Variants in SET observed in about 807,000 individuals in gnomAD.
SET encodes the protein protein SET.
Under a neutral mutation model 39.0 loss-of-function variants are expected in SET, and 4 were observed. The ratio of observed to expected loss-of-function variants is 0.10; its 90% CI spans 0.05 to 0.23. The LOEUF (loss-of-function observed/expected upper bound fraction) is 0.23. Among genes scored for constraint, SET ranks in the 10% least tolerant of loss-of-function variants. The pLI is 1.00. For missense variants in SET, 137 were observed against 329.7 expected, an observed-to-expected ratio of 0.42 and a Z score of 4.53; for synonymous variants, 114 against 115.9, an observed-to-expected ratio of 0.98 and a Z score of 0.11.
At chr9:128,690,513 C>T (rs950341322) in intron 1 of SET, 1 of 153,584 alleles carries the variant, frequency 6.5e-6, no homozygotes, top group Non-Finnish European at 1.4e-5. Flanking sequence ...CCTTCTGTGC[C>T]TCACTGCTTT....
Position 128,695,069 on chromosome 9 carries a change from G to A in SET, c.*405G>A, listed in dbSNP as rs10988096. 2 of 231,566 alleles carry A rather than the reference G, an allele frequency of 8.6e-6. No individual in the cohort carries two copies. Among genetic ancestry groups the A allele is most frequent in the Non-Finnish European group, 1.7e-5 (2 of 116,616 alleles). The allele number at this position is 231,566 out of a possible 1,614,324, so 14.3% of individuals were successfully genotyped here. On this transcript the variant is annotated 3_prime_UTR_variant, in exon 8 of 8. Transcript: ENST00000322030. ...CCTTTCTCTGTATATTGGGCTCAGA[G>A]AGTACACTGTGTCTCTATGTGAATA... is the stretch of plus-strand genomic sequence containing the variant.
At chr9:128,693,069 C>T in intron 5 of SET, 88 bp downstream of exon 5, 1 of 846,904 alleles carries the variant, frequency 1.2e-6, no homozygotes, top group Admixed American at 2.5e-5. Context: ...ATACTTTGGT[C>T]ATGTGGCTAA....
At chr9:128,690,909 G>A (rs190449624) in intron 1 of SET, among the ~76,000 whole-genome samples, 3 of 152,204 alleles carry the variant, frequency 2.0e-5, no homozygotes, top group Non-Finnish European at 1.5e-5. Flanking sequence ...CTTAATGATC[G>A]GTCTGTTGTA....
rs755634003 is a variant in SET, at chr9:128,693,979, C to G, written c.747C>G (p.Asp249Glu). 1.3e-6 allele frequency: 2 copies of G among 1,544,898 alleles called. No individual in the cohort carries two copies. Among genetic ancestry groups the G allele is most frequent in the Admixed American group, 1.7e-5 (1 of 57,988 alleles). ...AGGAGGAAGGATTAGAAGATATTGA[C>G]GAAGAAGGGGATGAGGATGAAGGTG... Reference protein sequence around the residue: ...DEEEEGLEDIDEEGDEDEGEE... With the variant: ...DEEEEGLEDIEEEGDEDEGEE... Residue 249 changes from aspartate to glutamate, a missense_variant, in exon 7 of 8, where the codon GAC (aspartate) becomes GAG (glutamate). Coordinates refer to ENST00000322030, the MANE Select transcript of SET (RefSeq NM_003011.4).
In SET at chr9:128,689,291, G is replaced by T; in HGVS notation, c.-292G>T. The T allele has an allele frequency of 9.8e-7, 1 of 1,017,976 alleles. No homozygotes were observed. Among genetic ancestry groups the T allele is most frequent in the Non-Finnish European group, 1.2e-6 (1 of 850,526 alleles). The allele number at this position is 1,017,976 out of a possible 1,614,324, so 63.1% of individuals were successfully genotyped here. A position where few individuals can be genotyped will look rare whatever the true frequency, so the allele number is the denominator to read the frequency against. On this transcript the variant is annotated 5_prime_UTR_variant, in exon 1 of 8. Transcript: ENST00000322030. ...CGAGCAGCGAGCTGGCTGGATCGCC[G>T]AGCGCGAGTGAGGGAGCCGAGCCGC...
intron 3 of SET, 60 bp downstream of exon 3, chr9:128,692,060 T>C (rs1861555549): frequency 6.3e-7 from 1 of 1,583,878 alleles, no homozygotes; most frequent in Admixed American, 1.7e-5. Flanking sequence ...TGGAGGAAGC[T>C]TGGTGAAGAC....
rs1484830317 is a variant in SET at position 128,689,523 on chromosome 9, C to T, written c.-60C>T. The T allele has an allele frequency of 4.9e-6, 4 of 811,734 alleles. No homozygotes were observed. In the African/African-American group the frequency reaches 5.5e-5, roughly 11 times the overall value. 50.3% of individuals were successfully genotyped at this position (811,734 alleles called of 1,614,324 possible). ...GGCGTGAGGGGAAGCCGCTTGCCCGCCCCCTTCGCCTTCCCTTCTCTCCCC... is the reference window on the plus strand; with the variant it reads ...GGCGTGAGGGGAAGCCGCTTGCCCGTCCCCTTCGCCTTCCCTTCTCTCCCC... On this transcript the variant is annotated 5_prime_UTR_variant, in exon 1 of 8. Transcript: ENST00000322030.
intron 2 of SET, 47 bp downstream of exon 2, chr9:128,691,274 C>CT (rs1861525465): frequency 1.7e-6 from 2 of 1,159,944 alleles, no homozygotes; most frequent in Non-Finnish European, 2.6e-6. Context: ...TGAGATGTGT[C>CT]TAATAGCCCG....
chr9:128,693,045 C>A, intron 5 of SET, 64 bp downstream of exon 5: 1 of 1,036,070 alleles, frequency 9.7e-7, no homozygotes, highest in Admixed American at 2.1e-5. Context: ...GTTTTAACCA[C>A]TTACAAGTGC....
intron 2 of SET, 93 bp from the exon 3 acceptor site, chr9:128,691,765 T>A (rs1392336970): frequency 7.9e-7 from 1 of 1,267,988 alleles, no homozygotes; most frequent in Non-Finnish European, 1.1e-6. Context: ...TTTGCATGAC[T>A]CAAGCTAGTA....
chr9:128,692,397 CAAA>C (rs58637669), intron 3 of SET: 515 of 76,098 alleles, frequency 6.8e-3, no homozygotes, highest in Middle Eastern at 0.037. Context: ...GAGACTGTTT[CAAA>C]AAAAAAAAAA....
In SET at chr9:128,694,933, A is replaced by C. The variant is rs1211955821; in HGVS notation, c.*269A>C. The C allele has an allele frequency of 6.0e-6, 2 of 334,286 alleles. No homozygotes were observed. Among genetic ancestry groups the C allele is most frequent in the Non-Finnish European group, 1.1e-5 (2 of 185,606 alleles). 20.7% of individuals were successfully genotyped at this position (334,286 alleles called of 1,614,324 possible). On this transcript the variant is annotated 3_prime_UTR_variant, in exon 8 of 8. Coordinates refer to ENST00000322030, the MANE Select transcript of SET (RefSeq NM_003011.4). ...TCTGAACAAAAACTGTATGGAATCAACACCACCGAGCTCTGTGGGAAAAAA... is the reference window on the plus strand; with the variant it reads ...TCTGAACAAAAACTGTATGGAATCACCACCACCGAGCTCTGTGGGAAAAAA...
intron 3 of SET, chr9:128,692,442 T>C (rs908377869): frequency 3.7e-6 from 1 of 269,792 alleles, no homozygotes; most frequent in African/African-American, 2.4e-5. Flanking sequence ...CGGGAAAAGA[T>C]ATACAGCTAC....
In SET at chr9:128,692,663, G is replaced by A. The variant is rs1861591507; in HGVS notation, c.276G>A (p.Val92=). ...WVTTFVNHPQ[V]SALLGEEDEE... ...CTGACCTGTAATTTTCTGGCCTAGT[G>A]TCTGCACTGCTTGGGGAGGAAGATG... Residue 92 remains valine (V), a splice_region_variant and synonymous_variant, in exon 4 of 8, where the codon GTG becomes GTA. Coordinates refer to ENST00000322030, the MANE Select transcript of SET (RefSeq NM_003011.4). 2.5e-6 allele frequency: 4 copies of A among 1,605,244 alleles called. No individual in the cohort carries two copies. The highest frequency in any genetic ancestry group is 3.4e-6 in the Non-Finnish European group (4 of 1,173,554).
chr9:128,685,478 C>T (rs77120321), upstream of SET, among the ~76,000 whole-genome samples: 456 of 152,338 alleles, frequency 3.0e-3, 7 homozygotes, highest in East Asian at 0.034. Flanking sequence ...CAAAGAACAG[C>T]TCCTGCTGCT....
chr9:128,689,544 TC>T lies in SET; in HGVS notation c.-34del. The T allele has an allele frequency of 3.6e-6, 4 of 1,110,722 alleles. No homozygotes were observed. The highest frequency in any genetic ancestry group is 2.4e-6 in the Non-Finnish European group (2 of 839,712). The allele number at this position is 1,110,722 out of a possible 1,614,324, so 68.8% of individuals were successfully genotyped here. On this transcript the variant is annotated 5_prime_UTR_variant, in exon 1 of 8. Coordinates refer to ENST00000322030, the MANE Select transcript of SET (RefSeq NM_003011.4). ...CCCGCCCCCTTCGCCTTCCCTTCTC[TC>T]CCCCTCCCCGCTCCCCCCCCGACCG... is the stretch of plus-strand genomic sequence containing the variant.
At chr9:128,684,063 CTCTGATTTTTA>C in intron 1 of SET, 1 of 1,392,776 alleles carries the variant, frequency 7.2e-7, no homozygotes. Context: ...AGGATTGACT[CTCTGATTTTTA>C]CCCCCCAATC....
Position 128,692,012 on chromosome 9 carries a change from AC to A in SET, c.274+13del, listed in dbSNP as rs1310588834. On this transcript the variant is annotated intron_variant, in intron 3 of 7. Transcript: ENST00000322030. ...CAACCATCCACAAGGTATGTTTTGG[AC>A]AGGGCATTGTTAAAGGATAAACAGT... 1.9e-6 allele frequency: 3 copies of A among 1,613,348 alleles called. No homozygotes were observed. In the African/African-American group the frequency reaches 4.0e-5, roughly 22 times the overall value.
In SET at chr9:128,691,198, C is replaced by T. The variant is rs749834520; in HGVS notation, c.102C>T (p.His34=). ...SEKEQQEAIE[H]IDEVQNEIDR... ...AAGAACAGCAAGAAGCGATTGAACA[C>T]ATTGATGAAGTACAAAATGAAATAG... is the stretch of plus-strand genomic sequence containing the variant. Residue 34 remains histidine, a synonymous_variant, in exon 2 of 8, where the codon CAC becomes CAT. Coordinates refer to ENST00000322030, the MANE Select transcript of SET (RefSeq NM_003011.4). 1 of 1,604,612 alleles carries T rather than the reference C, an allele frequency of 6.2e-7. No homozygotes were observed. Among genetic ancestry groups the T allele is most frequent in the Non-Finnish European group, 8.5e-7 (1 of 1,177,054 alleles).
Sources: allele counts gnomAD v4.1 joint callset (sites outside exome capture counted in the v4.1 genomes callset), GRCh38; gene constraint gnomAD v4.1.1; transcripts MANE v1.5; gene names NCBI Gene and HGNC (gene_info 2026-07-23, HGNC 2026-07-21).